The following CPA5 variants were observed in gnomAD, a reference collection of about 807,000 sequenced individuals.
The protein encoded by CPA5 is testicular tissue protein Li 32.
A neutral mutation model predicts 52.2 loss-of-function variants in CPA5; 38 were observed. The observed-to-expected ratio is 0.73, with a 90% CI of 0.56 to 0.95. The LOEUF is 0.95. CPA5 is among the 40% of genes least tolerant of loss of function. The probability of loss-of-function intolerance (pLI) is 0.00; values close to 1 mark genes in which losing one functional copy is unlikely to be tolerated. For missense variants in CPA5, 519 were observed against 566.7 expected (o/e 0.92, Z 0.86); for synonymous variants, 198 against 213.7 (o/e 0.93, Z 0.64).
At chr7:130,345,559 T>C (rs1287403461) in intron 1 of CPA5, 1 of 152,230 alleles carries the variant, frequency 6.6e-6, no homozygotes, top group African/African-American at 2.4e-5. Flanking sequence ...GACTGAGAAA[T>C]TGACTCTGCT....
chr7:130,373,438 T>C (rs1796312997), downstream of CPA5, among the ~76,000 whole-genome samples: 1 of 152,252 alleles, frequency 6.6e-6, no homozygotes, highest in Non-Finnish European at 1.5e-5. Flanking sequence ...TGGAAAGCTA[T>C]AAAGAACCAC....
Position 130,359,600 on chromosome 7 carries a change from T to C in CPA5, c.345T>C (p.Asp115=). The change falls in exon 6 of 13, where the codon GAT becomes GAC. Residue 115 remains aspartate (D), a synonymous_variant. Transcript: ENST00000474905. ...TCCCCATCACCCAGGTGCTGCTGGA[T>C]GAGGAAAGACAGGCCATGGCGAAAT... ...IMIKDIQVLL[D]EERQAMAKSR... 6.4e-7 allele frequency: 1 copy of C among 1,565,218 alleles called. No individual in the cohort carries two copies. The highest frequency in any genetic ancestry group is 1.9e-5 in the Admixed American group (1 of 52,210).
At chr7:130,363,593 G>A (rs1795915113) in intron 10 of CPA5, 84 bp downstream of exon 10, 5 of 1,169,534 alleles carry the variant, frequency 4.3e-6, no homozygotes, top group Non-Finnish European at 6.2e-6. Flanking sequence ...AGATTATGTT[G>A]ACTCAACTTG....
At chr7:130,372,304 T>A (rs1357910277), downstream of CPA5, among the ~76,000 whole-genome samples, 4 of 152,248 alleles carry the variant, frequency 2.6e-5, no homozygotes, top group Non-Finnish European at 5.9e-5. Flanking sequence ...GAAGATTCTC[T>A]ATATTTGTTA....
At chr7:130,346,703 G>C in intron 3 of CPA5, 102 bp downstream of exon 3, 1 of 893,518 alleles carries the variant, frequency 1.1e-6, no homozygotes, top group Non-Finnish European at 1.8e-6. Context: ...TCAAGGCGGA[G>C]AGTCAGGATG....
At chr7:130,348,978 G>A (rs1172005447) in intron 4 of CPA5, among the ~76,000 whole-genome samples, 2 of 152,138 alleles carry the variant, frequency 1.3e-5, no homozygotes, top group Non-Finnish European at 1.5e-5. Flanking sequence ...TGGCCATCTC[G>A]GTCATCAGAC....
chr7:130,360,562 G>A (rs1414493071), intron 6 of CPA5, among the ~76,000 whole-genome samples: 3 of 152,142 alleles, frequency 2.0e-5, no homozygotes, highest in Admixed American at 6.5e-5. Flanking sequence ...TATCATCATC[G>A]CTTTTCCCAC....
At chr7:130,349,288 G>T (rs552417472) in intron 4 of CPA5, among the ~76,000 whole-genome samples, 1 of 152,160 alleles carries the variant, frequency 6.6e-6, no homozygotes, top group East Asian at 1.9e-4. Flanking sequence ...ACAAAAATTA[G>T]CTGGGTGTGG....
chr7:130,348,532 T>A (rs1260619322), intron 4 of CPA5, among the ~76,000 whole-genome samples: 2 of 152,176 alleles, frequency 1.3e-5, no homozygotes, highest in East Asian at 3.8e-4. Flanking sequence ...GGGACCCAGA[T>A]TAGGCCTCTC....
downstream of CPA5, among the ~76,000 whole-genome samples, chr7:130,372,493 C>A (rs1334215795): frequency 6.6e-6 from 1 of 152,194 alleles, no homozygotes; most frequent in Admixed American, 6.5e-5. Context: ...GGGACCCAGA[C>A]CCTTGTGATC....
At chr7:130,359,754 G>T (rs1275602725) in intron 6 of CPA5, 67 bp downstream of exon 6, 1 of 1,099,400 alleles carries the variant, frequency 9.1e-7, no homozygotes, top group Non-Finnish European at 1.4e-6. Context: ...TCCTGACTCA[G>T]TCAGAAACTA....
chr7:130,346,604 G>C lies in CPA5; in HGVS notation c.116+3G>C, dbSNP rs1554402268. ...TTGGGCCAAATGAATTTCACAGGGT[G>C]AGTGGCTGCTCCACAGTGGGAGGGA... is the stretch of plus-strand genomic sequence containing the variant. On this transcript the variant is annotated splice_donor_region_variant and intron_variant, in intron 3 of 12. Coordinates refer to ENST00000474905, the MANE Select transcript of CPA5 (RefSeq NM_080385.5). 1 of 1,611,748 alleles carries C rather than the reference G, an allele frequency of 6.2e-7. No individual in the cohort carries two copies. The highest frequency in any genetic ancestry group is 8.5e-7 in the Non-Finnish European group (1 of 1,177,974).
In CPA5 at chr7:130,346,506, C is replaced by A. The variant is rs144865240; in HGVS notation, c.21C>A (p.Gly7=). The A allele has an allele frequency of 1.9e-6, 3 of 1,613,092 alleles. No homozygotes were observed. The African/African-American group carries it at 4.0e-5, about 22-fold the overall frequency. MQGTPG[G]GTRPGPSPVD... is the part of the protein sequence containing the mutation. ...GAAGCATGCAGGGCACCCCTGGAGGCGGGACGCGCCCTGGGCCATCCCCCG... is the reference window on the plus strand; with the variant it reads ...GAAGCATGCAGGGCACCCCTGGAGGAGGGACGCGCCCTGGGCCATCCCCCG... The change falls in exon 3 of 13, where the codon GGC becomes GGA. Residue 7 remains glycine, a synonymous_variant. Transcript: ENST00000474905.
chr7:130,371,203 C>T (rs1384420625), downstream of CPA5, among the ~76,000 whole-genome samples: 6 of 152,228 alleles, frequency 3.9e-5, no homozygotes, highest in South Asian at 2.1e-4. Flanking sequence ...CTTCCCAAGC[C>T]GAAATAAACT....
chr7:130,371,016 G>T (rs1796290292), downstream of CPA5, among the ~76,000 whole-genome samples: 1 of 152,174 alleles, frequency 6.6e-6, no homozygotes, highest in Non-Finnish European at 1.5e-5. Flanking sequence ...ACTTCCTGGG[G>T]GCTGCCTTGG....
intron 7 of CPA5, 99 bp from the exon 8 acceptor site, chr7:130,362,339 C>CA: frequency 1.3e-6 from 1 of 764,896 alleles, no homozygotes; most frequent in South Asian, 1.6e-5. Context: ...AAAGCTGCCC[C>CA]AGGCACTGAG....
Position 130,362,424 on chromosome 7 carries a change from AT to A in CPA5, c.535-12del. 6.3e-7 allele frequency: 1 copy of A among 1,599,434 alleles called. No homozygotes were observed. The highest frequency in any genetic ancestry group is 8.6e-7 in the Non-Finnish European group (1 of 1,167,782). ...AGTTCAAACCTCGGTTTGGGGCCCG[AT>A]TCTTTTTCTCAGTTCAGCACTGGAG... On this transcript the variant is annotated splice_polypyrimidine_tract_variant and intron_variant, in intron 7 of 12. Transcript: ENST00000474905.
At chr7:130,357,378 G>A (rs530763654) in intron 5 of CPA5, among the ~76,000 whole-genome samples, 1 of 152,222 alleles carries the variant, frequency 6.6e-6, no homozygotes, top group South Asian at 2.1e-4. Flanking sequence ...TCATTTAAAA[G>A]TTCTGGGCTG....
At chr7:130,355,662 G>A (rs1795436789) in intron 5 of CPA5, among the ~76,000 whole-genome samples, 1 of 152,202 alleles carries the variant, frequency 6.6e-6, no homozygotes, top group African/African-American at 2.4e-5. Context: ...ATCTGCCTTG[G>A]CATCCCAAAG....
Sources: allele counts gnomAD v4.1 joint callset (sites outside exome capture counted in the v4.1 genomes callset), GRCh38; gene constraint gnomAD v4.1.1; transcripts MANE v1.5; gene names NCBI Gene and HGNC (gene_info 2026-07-23, HGNC 2026-07-21).